The following C6orf132 variants were observed in gnomAD, a reference collection of about 807,000 sequenced individuals.
The protein encoded by C6orf132 is chromosome 6 open reading frame 132.
A neutral mutation model predicts 65.3 loss-of-function variants in C6orf132; 43 were observed. The ratio of observed to expected loss-of-function variants is 0.66; its 90% CI spans 0.52 to 0.85. The LOEUF (loss-of-function observed/expected upper bound fraction) is 0.85. Among genes scored for constraint, C6orf132 ranks in the 40% least tolerant of loss-of-function variants. C6orf132 has a pLI of 0.00. For missense variants in C6orf132, 1,488 were observed against 1,548.8 expected, an observed-to-expected ratio of 0.96 and a Z score of 0.66; for synonymous variants, 631 against 654.1, an observed-to-expected ratio of 0.96 and a Z score of 0.54.
chr6:42,125,094 C>T (rs1351724343), intron 2 of C6orf132, among the ~76,000 whole-genome samples: 1 of 152,102 alleles, frequency 6.6e-6, no homozygotes, highest in Non-Finnish European at 1.5e-5. Flanking sequence ...GCCTGGTGCC[C>T]AGCAGGCCCA....
chr6:42,105,647 T>G lies in C6orf132; in HGVS notation c.2265A>C (p.Pro755=), dbSNP rs1205464369. ...TQGARSSAAF[P]PKTSPGGGEV... is the part of the protein sequence containing the mutation. ...CTCCTCCACCAGGAGATGTCTTTGG[T>G]GGGAAGGCTGCAGATGAGCGGGCTC... The change falls in exon 4 of 5, where the codon CCA becomes CCC. Residue 755 remains proline, a synonymous_variant. Transcript: ENST00000341865. The G allele has an allele frequency of 6.5e-7, 1 of 1,537,074 alleles. No homozygotes were observed.
chr6:42,126,716 A>G (rs11755339), intron 2 of C6orf132: 134,346 of 316,046 alleles, frequency 0.43, 29,398 homozygotes, highest in Middle Eastern at 0.5. Context: ...GGTGGTGGGC[A>G]CCTGTAATCC....
Position 42,105,597 on chromosome 6 carries a change from T to C in C6orf132, c.2315A>G (p.His772Arg), listed in dbSNP as rs1401605264. Residue 772 changes from histidine (H) to arginine (R), a missense_variant, in exon 4 of 5, where the codon CAC becomes CGC. By Grantham distance (29) the His-to-Arg change is conservative. Coordinates refer to ENST00000341865, the MANE Select transcript of C6orf132 (RefSeq NM_001164446.3). ...ACGGCTGAGGCTGCTCTGGTGGCAGTGGGGCTTGTAGAGACATGGCACCTC... is the reference window on the plus strand; with the variant it reads ...ACGGCTGAGGCTGCTCTGGTGGCAGCGGGGCTTGTAGAGACATGGCACCTC... ...GGEVPCLYKPHCHQSSLSREV... is the reference protein window; with the variant it reads ...GGEVPCLYKPRCHQSSLSREV... 1.3e-6 allele frequency: 2 copies of C among 1,536,646 alleles called. No individual in the cohort carries two copies. Among genetic ancestry groups the C allele is most frequent in the African/African-American group, 1.4e-5 (1 of 73,032 alleles).
rs1341603678 is a variant in C6orf132, at chr6:42,103,216, C to T, written c.*545G>A. 2.5e-6 allele frequency: 1 copy of T among 398,574 alleles called. No individual in the cohort carries two copies. Among genetic ancestry groups the T allele is most frequent in the Non-Finnish European group, 4.4e-6 (1 of 226,124 alleles). 24.7% of individuals were successfully genotyped at this position (398,574 alleles called of 1,614,324 possible). ...CATTCCTGGTCCCACCTCAATGCGG[C>T]TAGGAACCCCAGGTGTCCACTCTTG... On this transcript the variant is annotated 3_prime_UTR_variant, in exon 5 of 5. Coordinates refer to ENST00000341865, the MANE Select transcript of C6orf132 (RefSeq NM_001164446.3).
At chr6:42,109,341 A>G (rs187161945) in intron 3 of C6orf132, among the ~76,000 whole-genome samples, 11 of 152,260 alleles carry the variant, frequency 7.2e-5, no homozygotes, top group African/African-American at 2.6e-4. Context: ...CTGAGGTGGG[A>G]GAACTGCTTG....
chr6:42,107,238 G>C lies in C6orf132; in HGVS notation c.674C>G (p.Ala225Gly). ...GGCTGGCACAGGAGGCGGTGGGGGG[G>C]CTAGAAAGGCCAAGGGTGGGGCAGG... ...IPPAPPLAFL[A>G]PPPPPVPAPA... The change falls in exon 4 of 5, where the codon GCC (alanine) becomes GGC (glycine). Residue 225 changes from alanine (A) to glycine (G), a missense_variant. Coordinates refer to ENST00000341865, the MANE Select transcript of C6orf132 (RefSeq NM_001164446.3). 1 of 1,123,928 alleles carries C rather than the reference G, an allele frequency of 8.9e-7. No homozygotes were observed. 69.6% of individuals were successfully genotyped at this position (1,123,928 alleles called of 1,614,324 possible).
At position 42,105,020 on chromosome 6, in the gene C6orf132, G is replaced by A; in HGVS notation, c.2892C>T (p.Phe964=). Residue 964 remains phenylalanine, a synonymous_variant, in exon 4 of 5, where the codon TTC becomes TTT. Coordinates refer to ENST00000341865, the MANE Select transcript of C6orf132 (RefSeq NM_001164446.3). ...LPQGHPLPKS[F]SSPPSPSNKR... ...TGTTCGAAGGAGAAGGTGGGGAGGA[G>A]AAGGACTTGGGCAGCGGGTGGCCCT... 1 of 1,533,300 alleles carries A rather than the reference G, an allele frequency of 6.5e-7. No homozygotes were observed. The highest frequency in any genetic ancestry group is 2.4e-5 in the East Asian group (1 of 40,842). The allele number at this position is 1,533,300 out of a possible 1,614,324, so 95.0% of individuals were successfully genotyped here.
intron 1 of C6orf132, among the ~76,000 whole-genome samples, 182 bp from the exon 2 acceptor site, chr6:42,128,960 C>T (rs753657507): frequency 1.2e-4 from 19 of 152,228 alleles, no homozygotes; most frequent in Non-Finnish European, 2.2e-4. Flanking sequence ...ACTAATGGGG[C>T]CAGCTGAGGT....
chr6:42,105,000 G>A lies in C6orf132; in HGVS notation c.2912C>T (p.Ser971Leu). The A allele has an allele frequency of 6.6e-7, 1 of 1,524,628 alleles. No individual in the cohort carries two copies. The highest frequency in any genetic ancestry group is 2.5e-5 in the East Asian group (1 of 40,724). 94.4% of individuals were successfully genotyped at this position (1,524,628 alleles called of 1,614,324 possible). ...CTCCTCCTCCTCCTCCCTCTTGTTC[G>A]AAGGAGAAGGTGGGGAGGAGAAGGA... ...PKSFSSPPSP[S>L]NKREEEEEEF... The change falls in exon 4 of 5, where the codon TCG becomes TTG. Residue 971 changes from serine (S) to leucine (L), a missense_variant. Ser to Leu is a moderately radical substitution (Grantham distance 145, BLOSUM62 -2). Coordinates refer to ENST00000341865, the MANE Select transcript of C6orf132 (RefSeq NM_001164446.3). The surrounding 1 kb of genome is among the most constrained non-coding windows in gnomAD (Gnocchi z 4.1).
At chr6:42,110,631 A>G (rs1196190097) in intron 2 of C6orf132, among the ~76,000 whole-genome samples, 1 of 152,176 alleles carries the variant, frequency 6.6e-6, no homozygotes, top group Non-Finnish European at 1.5e-5. Context: ...CATAACCATA[A>G]CCTTGTTTTA....
At chr6:42,115,784 G>A (rs1766557607) in intron 2 of C6orf132, among the ~76,000 whole-genome samples, 1 of 152,016 alleles carries the variant, frequency 6.6e-6, no homozygotes, top group South Asian at 2.1e-4. Flanking sequence ...TAGAATGTGT[G>A]TAACCTCTAG....
Position 42,142,492 on chromosome 6 carries a change from C to A in C6orf132, c.-48G>T. 1 of 1,532,938 alleles carries A rather than the reference C, an allele frequency of 6.5e-7. No individual in the cohort carries two copies. Among genetic ancestry groups the A allele is most frequent in the Admixed American group, 2.0e-5 (1 of 50,398 alleles). The allele number at this position is 1,532,938 out of a possible 1,614,324, so 95.0% of individuals were successfully genotyped here. ...CCAGGGAAGGACCTTCCCTCCCTCG[C>A]CCTGCCCTGCCCCGGACTGAACTCA... On this transcript the variant is annotated 5_prime_UTR_variant, in exon 1 of 5. Transcript: ENST00000341865.
chr6:42,135,480 C>CT (rs1766926714), intron 1 of C6orf132, among the ~76,000 whole-genome samples: 1 of 152,208 alleles, frequency 6.6e-6, no homozygotes, highest in South Asian at 2.1e-4. Context: ...CCCAGCCCTT[C>CT]TTTTCTCCCT....
intron 2 of C6orf132, among the ~76,000 whole-genome samples, chr6:42,128,089 A>G (rs891660261): frequency 5.5e-5 from 8 of 145,640 alleles, no homozygotes; most frequent in African/African-American, 2.0e-4. Context: ...TACACCGGCT[A>G]TTTTTTTTTT....
At position 42,106,351 on chromosome 6, in the gene C6orf132, T is replaced by C. The variant is rs548297444; in HGVS notation, c.1561A>G (p.Lys521Glu). 249 of 1,536,484 alleles carry C rather than the reference T, an allele frequency of 1.6e-4. No homozygotes were observed. The highest frequency in any genetic ancestry group is 2.0e-4 in the Non-Finnish European group (225 of 1,146,794). The change falls in exon 4 of 5, where the codon AAG becomes GAG. Residue 521 changes from lysine to glutamate, a missense_variant. Physicochemically the swap from Lys to Glu is moderately conservative, Grantham distance 56 (BLOSUM62 1). Coordinates refer to ENST00000341865, the MANE Select transcript of C6orf132 (RefSeq NM_001164446.3). ...TCAGGAACACCTGGGGGAGTGTCCT[T>C]TGCTGGCAGGCTCAGGAGAGTCTCC... ...EKETLLSLPA[K>E]DTPPGVPEKS...
At chr6:42,130,776 T>C (rs1766839418) in intron 1 of C6orf132, among the ~76,000 whole-genome samples, 1 of 151,354 alleles carries the variant, frequency 6.6e-6, no homozygotes, top group African/African-American at 2.4e-5. Flanking sequence ...CTTTTTTTTA[T>C]CTTTATTTTT....
Position 42,104,837 on chromosome 6 carries a change from G to A in C6orf132, c.3075C>T (p.Asn1025=), listed in dbSNP as rs1283301445. The change falls in exon 4 of 5, where the codon AAC becomes AAT. Residue 1025 remains asparagine, a synonymous_variant. Transcript: ENST00000341865. The surrounding 1 kb of genome is among the most constrained non-coding windows in gnomAD (Gnocchi z 4.1). ...GAGCCGGGGGCGCCCCGGGGCCAGC[G>A]TTCGGGAGCTGCCTCAAGTCTGAGT... is the stretch of plus-strand genomic sequence containing the variant. ...NNYSDLRQLP[N]AGPGAPPALG... The A allele has an allele frequency of 3.4e-6, 5 of 1,458,024 alleles. No individual in the cohort carries two copies. Among genetic ancestry groups the A allele is most frequent in the Admixed American group, 5.4e-5 (2 of 37,348 alleles). 90.3% of individuals were successfully genotyped at this position (1,458,024 alleles called of 1,614,324 possible).
Position 42,142,306 on chromosome 6 carries a change from C to A in C6orf132, c.139G>T (p.Gly47Cys). The stretch of plus-strand genomic sequence containing the variant: ...CCGTCCCCGGAGTACTCACCGAAGC[C>A]CCCGGTCCCCTCCTCCGGGGCCTCC... The part of the protein sequence containing the change: ...TQEAPEEGTG[G>C]FDGIYYGDNR... Residue 47 changes from glycine to cysteine, a missense_variant, in exon 1 of 5, where the codon GGC (glycine) becomes TGC (cysteine). Transcript: ENST00000341865. 1 of 1,550,648 alleles carries A rather than the reference C, an allele frequency of 6.4e-7. No individual in the cohort carries two copies. Among genetic ancestry groups the A allele is most frequent in the Non-Finnish European group, 8.7e-7 (1 of 1,146,760 alleles).
At chr6:42,131,578 C>T (rs1172442866) in intron 1 of C6orf132, among the ~76,000 whole-genome samples, 2 of 152,162 alleles carry the variant, frequency 1.3e-5, no homozygotes, top group African/African-American at 4.8e-5. Context: ...CCACCATGTA[C>T]GGGGGTGAGG....
Sources: allele counts gnomAD v4.1 joint callset (sites outside exome capture counted in the v4.1 genomes callset), GRCh38; gene constraint gnomAD v4.1.1; non-coding constraint Gnocchi (gnomAD v3.1); transcripts MANE v1.5; gene names NCBI Gene and HGNC (gene_info 2026-07-23, HGNC 2026-07-21).